SLC8A1: variants seen among roughly 807,000 people sequenced by gnomAD.
SLC8A1 encodes solute carrier family 8 member A1.
A neutral mutation model predicts 68.3 loss-of-function variants in SLC8A1; 18 were observed. That is an observed-to-expected ratio of 0.26 (90% CI 0.18 to 0.39). SLC8A1 has a LOEUF of 0.39. Ranked by LOEUF, SLC8A1 falls within the 10% of genes least tolerant of loss-of-function variation. SLC8A1 has a pLI of 1.00. For synonymous variants in SLC8A1, 475 were observed against 415.5 expected (o/e 1.14, Z -1.74); for missense variants, 985 against 1,156.7 (o/e 0.85, Z 2.15).
intron 1 of SLC8A1, among the ~76,000 whole-genome samples, chr2:40,498,390 T>C (rs1705845708): frequency 6.6e-6 from 1 of 152,114 alleles, no homozygotes; most frequent in South Asian, 2.1e-4. Flanking sequence ...ATTGAACCAA[T>C]CAGTAGTCTT....
chr2:40,500,250 C>T (rs1346943501), intron 1 of SLC8A1, among the ~76,000 whole-genome samples: 2 of 152,060 alleles, frequency 1.3e-5, no homozygotes, highest in South Asian at 2.1e-4. Context: ...GAATCATGTT[C>T]ATCATCCTTT....
intron 2 of SLC8A1, among the ~76,000 whole-genome samples, chr2:40,236,005 G>C (rs868031636): frequency 9.5e-4 from 144 of 151,836 alleles, no homozygotes; most frequent in African/African-American, 3.2e-3. Flanking sequence ...TTGCTGAGGA[G>C]AGCTTTACTT....
intron 1 of SLC8A1, among the ~76,000 whole-genome samples, chr2:40,475,971 A>T (rs959755207): frequency 5.9e-5 from 9 of 152,190 alleles, no homozygotes; most frequent in African/African-American, 2.2e-4. Context: ...TGTTCAAAAG[A>T]TAATAACCTT....
At chr2:40,407,209 G>A (rs1267404098) in intron 2 of SLC8A1, among the ~76,000 whole-genome samples, 1 of 152,102 alleles carries the variant, frequency 6.6e-6, no homozygotes, top group Admixed American at 6.6e-5. Flanking sequence ...GGGATTACAG[G>A]TGCCCACCAC....
chr2:40,364,055 C>A (rs1376151105), intron 2 of SLC8A1, among the ~76,000 whole-genome samples: 1 of 151,838 alleles, frequency 6.6e-6, no homozygotes, highest in Non-Finnish European at 1.5e-5. Flanking sequence ...ATCACTATAG[C>A]CAATTTTTAA....
intron 2 of SLC8A1, among the ~76,000 whole-genome samples, chr2:40,217,541 T>C (rs1457357036): frequency 6.6e-6 from 1 of 152,190 alleles, no homozygotes; most frequent in Non-Finnish European, 1.5e-5. Context: ...TCTGTTGTTG[T>C]TGTGTAGGCA....
At chr2:40,144,761 C>A (rs1021216602) in intron 6 of SLC8A1, among the ~76,000 whole-genome samples, 1 of 152,040 alleles carries the variant, frequency 6.6e-6, no homozygotes, top group African/African-American at 2.4e-5. Flanking sequence ...CATGGTGTGA[C>A]TGTTTTGGAA....
At chr2:40,446,048 G>A (rs1290891360) in intron 1 of SLC8A1, among the ~76,000 whole-genome samples, 2 of 152,216 alleles carry the variant, frequency 1.3e-5, no homozygotes, top group African/African-American at 2.4e-5. Flanking sequence ...TTAAGGGAAA[G>A]CTGAAGAAAT....
intron 7 of SLC8A1, among the ~76,000 whole-genome samples, chr2:40,135,386 C>G (rs1183307460): frequency 1.3e-5 from 2 of 151,600 alleles, no homozygotes; most frequent in Non-Finnish European, 2.9e-5. Flanking sequence ...GGAGAGATAG[C>G]TAGATGGGCT....
At chr2:40,342,981 C>T (rs1314338612) in intron 2 of SLC8A1, among the ~76,000 whole-genome samples, 1 of 152,050 alleles carries the variant, frequency 6.6e-6, no homozygotes, top group Non-Finnish European at 1.5e-5. Context: ...CGATTCCAGT[C>T]ATAATCTGAA....
At chr2:40,245,501 T>C (rs780906405) in intron 2 of SLC8A1, among the ~76,000 whole-genome samples, 4 of 152,132 alleles carry the variant, frequency 2.6e-5, no homozygotes, top group Non-Finnish European at 5.9e-5. Context: ...ATCCTGGAAG[T>C]TGACAGGGTA....
exon 8 of SLC8A1, chr2:40,100,995 A>C (rs1355553036): frequency 6.6e-6 from 1 of 152,176 alleles, no homozygotes; most frequent in African/African-American, 2.4e-5. Flanking sequence ...TTGTGTATCA[A>C]AATGCATATG....
At chr2:40,340,185 G>A (rs1324858640) in intron 2 of SLC8A1, among the ~76,000 whole-genome samples, 1 of 152,152 alleles carries the variant, frequency 6.6e-6, no homozygotes, top group Non-Finnish European at 1.5e-5. Context: ...TGATCACCAT[G>A]GAACCTCTGA....
intron 2 of SLC8A1, among the ~76,000 whole-genome samples, chr2:40,361,845 A>AATAATT (rs1198360841): frequency 6.6e-6 from 1 of 150,470 alleles, no homozygotes; most frequent in Non-Finnish European, 1.5e-5. Flanking sequence ...ATTTTTCAAT[A>AATAATT]ATAATTATGC....
At chr2:40,172,231 G>C (rs530977237) in intron 4 of SLC8A1, among the ~76,000 whole-genome samples, 1 of 152,296 alleles carries the variant, frequency 6.6e-6, no homozygotes, top group Non-Finnish European at 1.5e-5. Flanking sequence ...GTGGCTCCTA[G>C]GCATTCTGGT....
chr2:40,349,441 G>T (rs1670369092), intron 2 of SLC8A1, among the ~76,000 whole-genome samples: 1 of 152,180 alleles, frequency 6.6e-6, no homozygotes, highest in Admixed American at 6.6e-5. Flanking sequence ...CAGAATAAAA[G>T]ACTTTCTAGT....
chr2:40,109,278 G>C (rs2034413865), exon 8 of SLC8A1: 3 of 152,076 alleles, frequency 2.0e-5, no homozygotes, highest in Admixed American at 2.0e-4. Flanking sequence ...GAAGCTATCT[G>C]TTACGTTTTT....
chr2:40,241,388 T>C (rs2061203323), intron 2 of SLC8A1, among the ~76,000 whole-genome samples: 1 of 150,122 alleles, frequency 6.7e-6, no homozygotes. Flanking sequence ...TTATCAGTAC[T>C]GTACTCAGTA....
chr2:40,098,191 A>G (rs1278364929), exon 8 of SLC8A1: 1 of 152,052 alleles, frequency 6.6e-6, no homozygotes, highest in Non-Finnish European at 1.5e-5. Flanking sequence ...TAAGATTGAT[A>G]TTTCCCCACA....
Sources: allele counts gnomAD v4.1 joint callset (sites outside exome capture counted in the v4.1 genomes callset), GRCh38; gene constraint gnomAD v4.1.1; transcripts MANE v1.5; gene names NCBI Gene and HGNC (gene_info 2026-07-23, HGNC 2026-07-21).